Variants in PKD2L2 observed in about 807,000 individuals in gnomAD.
The protein encoded by PKD2L2 is polycystin 2 like 2, transient receptor potential cation channel.
A neutral mutation model predicts 83.9 loss-of-function variants in PKD2L2; 67 were observed. The observed-to-expected ratio is 0.80, with a 90% CI of 0.66 to 0.98. The LOEUF is 0.98. Among genes scored for constraint, PKD2L2 ranks in the 50% least tolerant of loss-of-function variants. The pLI, the probability that PKD2L2 is intolerant of heterozygous loss-of-function variation, is 0.00. For synonymous variants in PKD2L2, 223 were observed against 237.8 expected (o/e 0.94, Z 0.57); for missense variants, 632 against 717.2 (o/e 0.88, Z 1.36).
chr5:137,928,652 G>A (rs918454238), intron 12 of PKD2L2, among the ~76,000 whole-genome samples: 7 of 152,154 alleles, frequency 4.6e-5, no homozygotes, highest in Non-Finnish European at 8.8e-5. Flanking sequence ...GGCTGGTCTC[G>A]AGCTTCCGGG....
At chr5:137,941,123 T>C (rs950208952) in intron 14 of PKD2L2, among the ~76,000 whole-genome samples, 1 of 152,082 alleles carries the variant, frequency 6.6e-6, no homozygotes, top group Non-Finnish European at 1.5e-5. Flanking sequence ...TTAGCCAGGA[T>C]GGTCTTGATC....
At chr5:137,926,046 T>C in intron 12 of PKD2L2, 117 bp downstream of exon 12, 1 of 588,438 alleles carries the variant, frequency 1.7e-6, no homozygotes, top group Non-Finnish European at 3.1e-6. Flanking sequence ...GTAATTGTCA[T>C]CTCCAAATAA....
chr5:137,919,739 C>T (rs1038441900), intron 8 of PKD2L2, among the ~76,000 whole-genome samples: 2 of 152,080 alleles, frequency 1.3e-5, no homozygotes, highest in Admixed American at 1.3e-4. Context: ...AGCTAGGTAC[C>T]GTGGATGGAA....
chr5:137,926,792 T>G (rs536318434), intron 12 of PKD2L2, among the ~76,000 whole-genome samples: 1 of 152,306 alleles, frequency 6.6e-6, no homozygotes, highest in African/African-American at 2.4e-5. Context: ...TGCGTAATGT[T>G]TTAACCTGGA....
chr5:137,941,246 A>G (rs1209956090), intron 14 of PKD2L2, among the ~76,000 whole-genome samples: 5 of 152,048 alleles, frequency 3.3e-5, no homozygotes, highest in Non-Finnish European at 7.4e-5. Flanking sequence ...GCCAACCTAT[A>G]TAGGAGACTC....
intron 13 of PKD2L2, 86 bp from the exon 14 acceptor site, chr5:137,936,234 C>G (rs1760365864): frequency 1.7e-6 from 2 of 1,194,176 alleles, no homozygotes; most frequent in Admixed American, 4.1e-5. Flanking sequence ...ATTCTATCTT[C>G]CCAAAGCATT....
chr5:137,900,894 T>C (rs571775058), intron 5 of PKD2L2, among the ~76,000 whole-genome samples: 1 of 152,142 alleles, frequency 6.6e-6, no homozygotes, highest in East Asian at 1.9e-4. Flanking sequence ...TCCCAGCACT[T>C]TGGGAGGCCG....
In PKD2L2 at chr5:137,929,534, CAAAAAAAAAAA is replaced by C. The variant is rs756601170; in HGVS notation, c.1671+3620_1671+3630del. On this transcript the variant is annotated intron_variant, in intron 12 of 14. Coordinates refer to ENST00000508883, the MANE Select transcript of PKD2L2 (RefSeq NM_001300921.2). Reference sequence around the variant, plus strand: ...ATATATTTCTATAGGACAAAATTGCCAAAAAAAAAAAAAAAAAAAAAAAAACAGACCACACG... The same window carrying C: ...ATATATTTCTATAGGACAAAATTGCCAAAAAAAAAAAAAACAGACCACACG... Among the ~76,000 whole-genome samples, 12 of 3,440 alleles carry C rather than the reference CAAAAAAAAAAA, an allele frequency of 3.5e-3. No individual in the cohort carries two copies. The East Asian group carries it at 0.069, about 20-fold the overall frequency. The allele number at this position is 3,440 out of a possible 152,430, so 2.3% of individuals were successfully genotyped here.
chr5:137,935,238 G>A (rs1760227445), intron 12 of PKD2L2, among the ~76,000 whole-genome samples: 1 of 152,192 alleles, frequency 6.6e-6, no homozygotes, highest in African/African-American at 2.4e-5. Flanking sequence ...AAAGCAGGTG[G>A]TAGTGAGAAC....
At position 137,895,877 on chromosome 5, in the gene PKD2L2, C is replaced by CAAA. The variant is rs375612119; in HGVS notation, c.524+1283_524+1285dup. Among the ~76,000 whole-genome samples, 258 of 90,138 alleles carry CAAA rather than the reference C, an allele frequency of 2.9e-3. 4 individuals carry two copies. The highest frequency in any genetic ancestry group is 0.014 in the Middle Eastern group (2 of 146). 59.1% of individuals were successfully genotyped at this position (90,138 alleles called of 152,430 possible). Reference sequence around the variant, plus strand: ...TGGACGGTAGTGTGAGACACAGTCTCAAAAAAAAAAAAAAAAAGGCCAAGT... The same window carrying CAAA: ...TGGACGGTAGTGTGAGACACAGTCTCAAAAAAAAAAAAAAAAAAAAGGCCAAGT... On this transcript the variant is annotated intron_variant, in intron 4 of 14. Transcript: ENST00000508883.
At chr5:137,922,986 ATTT>A (rs970883541) in intron 9 of PKD2L2, among the ~76,000 whole-genome samples, 4 of 145,800 alleles carry the variant, frequency 2.7e-5, no homozygotes, top group Middle Eastern at 3.6e-3. Context: ...TTAAAATTTG[ATTT>A]TTTTTGTTGT....
intron 4 of PKD2L2, among the ~76,000 whole-genome samples, chr5:137,897,861 T>C (rs575622020): frequency 6.6e-6 from 1 of 152,272 alleles, no homozygotes; most frequent in African/African-American, 2.4e-5. Context: ...ACCTTTCAAA[T>C]CTGTTTTTGG....
At chr5:137,891,168 C>T (rs926314408) in intron 2 of PKD2L2, among the ~76,000 whole-genome samples, 7 of 152,142 alleles carry the variant, frequency 4.6e-5, no homozygotes, top group Non-Finnish European at 8.8e-5. Flanking sequence ...GTCGATGGCA[C>T]CCAACATAAC....
At chr5:137,940,334 T>C in intron 14 of PKD2L2, 3 of 1,603,940 alleles carry the variant, frequency 1.9e-6, no homozygotes, top group Non-Finnish European at 2.6e-6. Flanking sequence ...AACACGATCC[T>C]CTTTCTGGGC....
At chr5:137,929,555 A>AC (rs1759684478) in intron 12 of PKD2L2, among the ~76,000 whole-genome samples, 1 of 148,740 alleles carries the variant, frequency 6.7e-6, no homozygotes, top group Non-Finnish European at 1.5e-5. Context: ...AAAAAAAAAA[A>AC]AAAACAGACC....
chr5:137,934,071 G>A (rs1302062435), intron 12 of PKD2L2, among the ~76,000 whole-genome samples: 1 of 152,156 alleles, frequency 6.6e-6, no homozygotes, highest in Non-Finnish European at 1.5e-5. Flanking sequence ...AGGGAGTTTG[G>A]TATACAGAAT....
intron 14 of PKD2L2, chr5:137,940,265 TC>T: frequency 1.9e-6 from 3 of 1,613,920 alleles, no homozygotes; most frequent in Non-Finnish European, 2.5e-6. Flanking sequence ...TATAAGAACT[TC>T]AAGAAGCCTA....
At chr5:137,916,475 CTTTTTTT>C (rs1169529107) in intron 8 of PKD2L2, among the ~76,000 whole-genome samples, 1 of 93,216 alleles carries the variant, frequency 1.1e-5, no homozygotes, top group Non-Finnish European at 2.0e-5. Context: ...CACTTTTCTT[CTTTTTTT>C]TTTTTTTTTT....
intron 14 of PKD2L2, among the ~76,000 whole-genome samples, chr5:137,937,076 A>G (rs187118008): frequency 1.3e-4 from 20 of 152,360 alleles, no homozygotes; most frequent in Non-Finnish European, 2.8e-4. Flanking sequence ...TACAGAGTAG[A>G]AAAACTATTG....
Sources: allele counts gnomAD v4.1 joint callset (sites outside exome capture counted in the v4.1 genomes callset), GRCh38; gene constraint gnomAD v4.1.1; transcripts MANE v1.5; gene names NCBI Gene and HGNC (gene_info 2026-07-23, HGNC 2026-07-21).